The following LYST variants were observed in gnomAD, a reference collection of about 807,000 sequenced individuals.
The protein encoded by LYST is lysosomal-trafficking regulator.
LYST carries 192 observed loss-of-function variants against 413.6 expected under a neutral mutation model. That is an observed-to-expected ratio of 0.46 (90% CI 0.41 to 0.52). LYST has a LOEUF of 0.52. Ranked by LOEUF, LYST falls within the 20% of genes least tolerant of loss-of-function variation. The probability of loss-of-function intolerance (pLI) is 0.00; values close to 1 mark genes in which losing one functional copy is unlikely to be tolerated. For missense variants in LYST, 3,815 were observed against 4,499.9 expected, an observed-to-expected ratio of 0.85 and a Z score of 4.35; for synonymous variants, 1,525 against 1,567.3, an observed-to-expected ratio of 0.97 and a Z score of 0.64.
intron 17 of LYST, among the ~76,000 whole-genome samples, chr1:235,775,504 C>T (rs770873283): frequency 3.5e-4 from 53 of 152,288 alleles, no homozygotes; most frequent in Admixed American, 5.9e-4. Flanking sequence ...AACCACATGT[C>T]CTGCCTTGTA....
In LYST at chr1:235,802,922, T is replaced by G. The variant is rs759148295; in HGVS notation, c.3698A>C (p.Glu1233Ala). ...ADSESNPEDG[E>A]TQDDGVDLKS... ...TGATATTTTACCATCATCCTGGGTT[T>G]CGCCATCTTCAGGATTGCTTTCACT... The change falls in exon 8 of 53, where the codon GAA (glutamate) becomes GCA (alanine). Residue 1233 changes from glutamate (E) to alanine (A), a missense_variant. Around this residue, in one of 4 missense-constraint regions of LYST, gnomAD observed 1,648 missense variants for 1,810.3 expected, o/e 0.91. Coordinates refer to ENST00000389793, the MANE Select transcript of LYST (RefSeq NM_000081.4). 1 of 1,613,616 alleles carries G rather than the reference T, an allele frequency of 6.2e-7. No individual in the cohort carries two copies. The highest frequency in any genetic ancestry group is 1.1e-5 in the South Asian group (1 of 91,080).
At chr1:235,856,940 A>ATTTTTT (rs59484092) in intron 1 of LYST, among the ~76,000 whole-genome samples, 2 of 121,774 alleles carry the variant, frequency 1.6e-5, no homozygotes, top group South Asian at 2.6e-4. Flanking sequence ...GGATATACTG[A>ATTTTTT]TTTTTTTTTT....
At chr1:235,845,252 TCTGACCTTAC>T (rs1184235995) in intron 1 of LYST, among the ~76,000 whole-genome samples, 1 of 152,126 alleles carries the variant, frequency 6.6e-6, no homozygotes, top group East Asian at 1.9e-4. Flanking sequence ...TGGAGAAGTT[TCTGACCTTAC>T]CTGAGCTGAA....
intron 12 of LYST, 119 bp from the exon 13 acceptor site, chr1:235,788,964 T>C (rs1670713674): frequency 1.1e-6 from 1 of 874,950 alleles, no homozygotes; most frequent in Non-Finnish European, 1.9e-6. Flanking sequence ...CTACCCAGAA[T>C]GTCTGAGCCT....
At chr1:235,859,834 A>G (rs1380373523) in intron 1 of LYST, among the ~76,000 whole-genome samples, 1 of 152,208 alleles carries the variant, frequency 6.6e-6, no homozygotes, top group East Asian at 1.9e-4. Flanking sequence ...GGATGTTGTC[A>G]GGGTTAAATA....
intron 50 of LYST, among the ~76,000 whole-genome samples, chr1:235,666,262 ACACACAC>A (rs1485319976): frequency 4.7e-5 from 6 of 127,488 alleles, no homozygotes; most frequent in South Asian, 2.3e-4. Context: ...ACACACACAC[ACACACAC>A]AATTTTCTTT....
chr1:235,825,279 T>C (rs1675204632), intron 3 of LYST, among the ~76,000 whole-genome samples: 2 of 152,190 alleles, frequency 1.3e-5, no homozygotes, highest in African/African-American at 4.8e-5. Flanking sequence ...ATGCTTCTCC[T>C]TAGGTCAGAC....
intron 46 of LYST, 85 bp from the exon 47 acceptor site, chr1:235,693,571 AAGTTT>A (rs1660847347): frequency 7.2e-7 from 1 of 1,395,214 alleles, no homozygotes; most frequent in Admixed American, 1.7e-5. Flanking sequence ...TTAAAGGGTG[AAGTTT>A]ACATAGCAGA....
chr1:235,868,651 A>G (rs1680773047), upstream of LYST, among the ~76,000 whole-genome samples: 1 of 152,236 alleles, frequency 6.6e-6, no homozygotes, highest in Admixed American at 6.5e-5. Context: ...AAAGGCACAA[A>G]GTAATGCCAT....
chr1:235,797,804 A>G (rs1456960668), intron 10 of LYST, among the ~76,000 whole-genome samples: 1 of 152,172 alleles, frequency 6.6e-6, no homozygotes, highest in African/African-American at 2.4e-5. Flanking sequence ...ACTTTTGTGC[A>G]TCAAAGGATA....
Position 235,689,026 on chromosome 1 carries a change from TAACAAC to T in LYST, c.10702-1985_10702-1980del, listed in dbSNP as rs1184158926. ...ATAATAATAATAATAATAATAATAA[TAACAAC>T]AACAACAACAACAACAATAATATCC... On this transcript the variant is annotated intron_variant, in intron 47 of 52. Coordinates refer to ENST00000389793, the MANE Select transcript of LYST (RefSeq NM_000081.4). Among the ~76,000 whole-genome samples the T allele has an allele frequency of 2.4e-4, 22 of 92,972 alleles. No homozygotes were observed. In the East Asian group the frequency reaches 2.6e-3, roughly 11 times the overall value. The allele number at this position is 92,972 out of a possible 152,430, so 61.0% of individuals were successfully genotyped here.
At chr1:235,851,205 A>G (rs1338666412) in intron 1 of LYST, among the ~76,000 whole-genome samples, 1 of 148,370 alleles carries the variant, frequency 6.7e-6, no homozygotes, top group Non-Finnish European at 1.5e-5. Flanking sequence ...TATATATATG[A>G]TGAAATACAA....
chr1:235,720,173 CAAAAAAA>C (rs71576484), intron 40 of LYST, among the ~76,000 whole-genome samples: 5 of 9,474 alleles, frequency 5.3e-4, no homozygotes, highest in Admixed American at 2.9e-3. Flanking sequence ...GACTCTGTCT[CAAAAAAA>C]AAAAAAAAAA....
intron 1 of LYST, among the ~76,000 whole-genome samples, chr1:235,844,726 T>C (rs1423393978): frequency 6.7e-6 from 1 of 148,740 alleles, no homozygotes; most frequent in African/African-American, 2.5e-5. Flanking sequence ...CAGAACTATA[T>C]GTCTGAAATG....
At chr1:235,775,579 A>G (rs1195462273) in intron 17 of LYST, among the ~76,000 whole-genome samples, 2 of 152,220 alleles carry the variant, frequency 1.3e-5, no homozygotes, top group African/African-American at 2.4e-5. Context: ...CACACTTATT[A>G]TCATGCTAAA....
chr1:235,787,507 A>G (rs902286552), intron 13 of LYST, 134 bp from the exon 14 acceptor site: 6 of 751,912 alleles, frequency 8.0e-6, no homozygotes, highest in Admixed American at 4.1e-5. Flanking sequence ...GTGCTTGAAA[A>G]GTCAGTAGGT....
chr1:235,880,262 G>C (rs894598925), intron 1 of LYST, among the ~76,000 whole-genome samples: 1 of 152,146 alleles, frequency 6.6e-6, no homozygotes, highest in African/African-American at 2.4e-5. Flanking sequence ...TATTAGTTTA[G>C]CAATATATGT....
In LYST at chr1:235,806,330, G is replaced by C. The variant is rs750810868; in HGVS notation, c.2806C>G (p.Pro936Ala). Residue 936 changes from proline to alanine, a missense_variant, in exon 6 of 53, where the codon CCT becomes GCT. Physicochemically the swap from Pro to Ala is conservative, Grantham distance 27. Transcript: ENST00000389793. ...TSGYDSTASE[P>A]LSHMLPCISL... ...ATACATGGCAGCATATGACTTAAAG[G>C]CTCGCTGGCTGTGCTGTCATAGCCA... 1.2e-6 allele frequency: 2 copies of C among 1,613,934 alleles called. No individual in the cohort carries two copies.
rs1363217678 is a variant in LYST at position 235,791,714 on chromosome 1, T to C, written c.4528A>G (p.Ser1510Gly). ...RNKSLILPDS[S>G]FDGTESDRPE... Reference sequence around the variant, plus strand: ...GTCATCATACCTGTACCATCAAAACTGCTATCTGGTAAAATTAATGATTTG... The same window carrying C: ...GTCATCATACCTGTACCATCAAAACCGCTATCTGGTAAAATTAATGATTTG... The change falls in exon 12 of 53, where the codon AGT becomes GGT. Residue 1510 changes from serine (S) to glycine (G), a missense_variant. By Grantham distance (56) the Ser-to-Gly change is moderately conservative (BLOSUM62 0). This residue lies in a region of LYST where 1,648 missense variants were observed against 1,810.3 expected (regional missense o/e 0.91). Coordinates refer to ENST00000389793, the MANE Select transcript of LYST (RefSeq NM_000081.4). The C allele has an allele frequency of 1.2e-6, 2 of 1,611,542 alleles. No individual in the cohort carries two copies. The highest frequency in any genetic ancestry group is 2.2e-5 in the South Asian group (2 of 91,002).
Sources: gnomAD v4.1 joint callset for allele counts (sites outside exome capture counted in the v4.1 genomes callset) on GRCh38, gnomAD v4.1.1 for gene constraint, gnomAD v4.1.1 regional missense constraint, MANE v1.5 for transcripts, NCBI Gene and HGNC (gene_info 2026-07-23, HGNC 2026-07-21) for gene names.